The following HK2 variants were observed in gnomAD, a reference collection of about 807,000 sequenced individuals.
HK2 encodes hexokinase-2.
HK2 carries 42 observed loss-of-function variants against 92.9 expected under a neutral mutation model. That is an observed-to-expected ratio of 0.45 (90% CI 0.35 to 0.58). The LOEUF (loss-of-function observed/expected upper bound fraction) is 0.58, where lower values mean the gene tolerates loss of function less well. Among genes scored for constraint, HK2 ranks in the 20% least tolerant of loss-of-function variants. The probability of loss-of-function intolerance (pLI) is 0.00; values close to 1 mark genes in which losing one functional copy is unlikely to be tolerated. For missense variants in HK2, 978 were observed against 1,245.1 expected, an observed-to-expected ratio of 0.79 and a Z score of 3.23; for synonymous variants, 422 against 468.0, an observed-to-expected ratio of 0.90 and a Z score of 1.27.
In HK2 at chr2:74,834,659, C is replaced by T. The variant is rs767803192; in HGVS notation, c.63+16C>T. The T allele has an allele frequency of 1.3e-5, 21 of 1,613,586 alleles. No homozygotes were observed. Among genetic ancestry groups the T allele is most frequent in the African/African-American group, 2.7e-5 (2 of 74,922 alleles). On this transcript the variant is annotated intron_variant, in intron 1 of 17. Transcript: ENST00000290573. The surrounding 1 kb of genome is among the most constrained non-coding windows in gnomAD (Gnocchi z 4.2). ...AGTGCAGAAGGTAAGTCAGCGCGGG[C>T]GGGGCGGCAGGCTGGGCTCTGGCAA...
At chr2:74,885,885 C>CACACACAA (rs58908262) in intron 13 of HK2, among the ~76,000 whole-genome samples, 1,616 of 148,508 alleles carry the variant, frequency 0.011, 42 homozygotes, top group African/African-American at 0.039. Flanking sequence ...CACACACACA[C>CACACACAA]AGTAAAGGAA....
At chr2:74,882,605 T>TTTATATATATATATATATATATATATA (rs1553449959) in intron 12 of HK2, among the ~76,000 whole-genome samples, 11 of 75,660 alleles carry the variant, frequency 1.5e-4, no homozygotes, top group Non-Finnish European at 3.4e-4. Flanking sequence ...TCTATTGAAC[T>TTTATATATATATATATATATATATATA]TATATATATA....
chr2:74,887,804 C>T (rs1295636782), intron 15 of HK2, 99 bp from the exon 16 acceptor site: 2 of 1,076,646 alleles, frequency 1.9e-6, no homozygotes. Context: ...GCCTGTCTGC[C>T]ACTGCTGATG....
intron 2 of HK2, among the ~76,000 whole-genome samples, chr2:74,865,427 G>A (rs1344270807): frequency 6.6e-6 from 1 of 152,112 alleles, no homozygotes; most frequent in Non-Finnish European, 1.5e-5. Flanking sequence ...TGTGGTCACT[G>A]ATTCAGCGGA....
At chr2:74,867,365 A>T (rs1180600099) in intron 2 of HK2, among the ~76,000 whole-genome samples, 1 of 152,004 alleles carries the variant, frequency 6.6e-6, no homozygotes, top group Admixed American at 6.6e-5. Context: ...GACTTTGGAG[A>T]CTCAGAGGAA....
intron 1 of HK2, among the ~76,000 whole-genome samples, chr2:74,853,989 ATGT>A (rs1688632882): frequency 6.6e-6 from 1 of 152,126 alleles, no homozygotes; most frequent in East Asian, 1.9e-4. Context: ...GGCTCCAGTG[ATGT>A]TGTCACAGGC....
intron 2 of HK2, among the ~76,000 whole-genome samples, chr2:74,867,140 A>G (rs1427812918): frequency 2.6e-5 from 4 of 152,076 alleles, no homozygotes; most frequent in Non-Finnish European, 5.9e-5. Flanking sequence ...ACTGTCTTAT[A>G]TTGTTGATTG....
At chr2:74,878,657 C>G in intron 8 of HK2, 31 bp from the exon 9 acceptor site, 1 of 1,546,010 alleles carries the variant, frequency 6.5e-7, no homozygotes, top group Non-Finnish European at 8.8e-7. Flanking sequence ...GGGTCAGACA[C>G]AGGCCCACAT....
At position 74,880,423 on chromosome 2, in the gene HK2, A is replaced by G; in HGVS notation, c.1424A>G (p.Glu475Gly). The change falls in exon 10 of 18, where the codon GAG becomes GGG. Residue 475 changes from glutamate to glycine, a missense_variant. Glu to Gly is a moderately conservative substitution (Grantham distance 98, BLOSUM62 -2). This residue lies in a region of HK2 where 742 missense variants were observed against 922.5 expected (regional missense o/e 0.80). Coordinates refer to ENST00000290573, the MANE Select transcript of HK2 (RefSeq NM_000189.5). ...CACCGTGCCCGCCAGAAGACATTAG[A>G]GCATCTGCAGCTGAGCCATGACCAG... ...DQHRARQKTL[E>G]HLQLSHDQLL... is the part of the protein sequence containing the mutation. 1.2e-6 allele frequency: 2 copies of G among 1,614,206 alleles called. No individual in the cohort carries two copies. Among genetic ancestry groups the G allele is most frequent in the South Asian group, 1.1e-5 (1 of 91,088 alleles).
chr2:74,838,766 C>T (rs1688233894), intron 1 of HK2, among the ~76,000 whole-genome samples: 1 of 152,076 alleles, frequency 6.6e-6, no homozygotes, highest in Admixed American at 6.5e-5. Flanking sequence ...TCTCAATCTC[C>T]TGACCTCGTG....
intron 2 of HK2, among the ~76,000 whole-genome samples, chr2:74,856,284 C>G (rs558652865): frequency 6.6e-5 from 10 of 152,238 alleles, no homozygotes; most frequent in Non-Finnish European, 1.2e-4. Flanking sequence ...GAGACTGTAT[C>G]GTTCCCAAAA....
intron 1 of HK2, among the ~76,000 whole-genome samples, chr2:74,849,050 CT>C (rs112582112): frequency 9.6e-4 from 147 of 152,378 alleles, no homozygotes; most frequent in African/African-American, 3.3e-3. Flanking sequence ...ACACTGCATA[CT>C]TCGAAGTGGA....
At chr2:74,866,680 C>T (rs949179439) in intron 2 of HK2, among the ~76,000 whole-genome samples, 4 of 152,174 alleles carry the variant, frequency 2.6e-5, no homozygotes, top group African/African-American at 9.7e-5. Context: ...TGGCTCCTTT[C>T]TGGAGTCTCA....
chr2:74,852,474 G>A (rs758631295), intron 1 of HK2, among the ~76,000 whole-genome samples: 1 of 152,110 alleles, frequency 6.6e-6, no homozygotes, highest in African/African-American at 2.4e-5. Flanking sequence ...TCCTCCTGGG[G>A]AGCCTCAAAT....
chr2:74,834,716 AC>A lies in HK2; in HGVS notation c.63+76del. On this transcript the variant is annotated intron_variant, in intron 1 of 17. Transcript: ENST00000290573. This position sits in a 1 kb window ranked among gnomAD's most constrained non-coding sequence, Gnocchi z 4.2. ...CTGGCCTCCATCAGTCTCTTCCTCG[AC>A]CCTGCGGGGACCCGCTTCCTCCCTA... 1 of 1,511,172 alleles carries A rather than the reference AC, an allele frequency of 6.6e-7. No homozygotes were observed. The highest frequency in any genetic ancestry group is 9.2e-7 in the Non-Finnish European group (1 of 1,087,426). The allele number at this position is 1,511,172 out of a possible 1,614,324, so 93.6% of individuals were successfully genotyped here. A position where few individuals can be genotyped will look rare whatever the true frequency, so the allele number is the denominator to read the frequency against.
At chr2:74,884,498 T>A (rs1178858251) in intron 12 of HK2, among the ~76,000 whole-genome samples, 2 of 152,256 alleles carry the variant, frequency 1.3e-5, no homozygotes, top group African/African-American at 4.8e-5. Flanking sequence ...AGCTAACTTG[T>A]AGAGAGCTGG....
chr2:74,857,397 CATATGTAT>C (rs1688719523), intron 2 of HK2, among the ~76,000 whole-genome samples: 1 of 152,188 alleles, frequency 6.6e-6, no homozygotes, highest in Non-Finnish European at 1.5e-5. Flanking sequence ...TAAAGTGGGA[CATATGTAT>C]ATATGACAAC....
intron 1 of HK2, among the ~76,000 whole-genome samples, 178 bp from the exon 2 acceptor site, chr2:74,854,114 GT>G (rs372867000): frequency 0.01 from 1,481 of 145,444 alleles, 19 homozygotes; most frequent in African/African-American, 0.029. Flanking sequence ...TAATTTTTTG[GT>G]TTTTTTTTTT....
At chr2:74,869,690 A>T (rs894151544) in intron 3 of HK2, among the ~76,000 whole-genome samples, 2 of 152,160 alleles carry the variant, frequency 1.3e-5, no homozygotes, top group African/African-American at 4.8e-5. Context: ...AACTTCATAA[A>T]ATGATGCCCT....
Sources: allele counts gnomAD v4.1 joint callset (sites outside exome capture counted in the v4.1 genomes callset), GRCh38; gene constraint gnomAD v4.1.1; regional missense constraint gnomAD v4.1.1; non-coding constraint Gnocchi (gnomAD v3.1); transcripts MANE v1.5; gene names NCBI Gene and HGNC (gene_info 2026-07-23, HGNC 2026-07-21).